Variants in LEMD3 observed in about 807,000 individuals in gnomAD.
LEMD3 encodes LEM domain containing 3.
LEMD3 carries 33 observed loss-of-function variants against 95.2 expected under a neutral mutation model. That is an observed-to-expected ratio of 0.35 (90% confidence interval 0.26 to 0.46). LEMD3 has a LOEUF of 0.46. LEMD3 is among the 20% of genes least tolerant of loss of function. The probability of loss-of-function intolerance (pLI) is 1.00; values close to 1 mark genes in which losing one functional copy is unlikely to be tolerated. For missense variants in LEMD3, 1,210 were observed against 1,192.8 expected, an observed-to-expected ratio of 1.01 and a Z score of -0.21; for synonymous variants, 525 against 474.6, an observed-to-expected ratio of 1.11 and a Z score of -1.38.
intron 1 of LEMD3, among the ~76,000 whole-genome samples, chr12:65,197,162 G>A (rs1869458422): frequency 6.6e-6 from 1 of 152,064 alleles, no homozygotes; most frequent in Admixed American, 6.6e-5. Context: ...TTTGCTTAAC[G>A]TAGGAGCTCC....
intron 1 of LEMD3, among the ~76,000 whole-genome samples, chr12:65,202,777 C>A (rs1053584712): frequency 1.3e-5 from 2 of 152,104 alleles, no homozygotes; most frequent in Non-Finnish European, 2.9e-5. Context: ...TGAGTTTTGA[C>A]AGATTGTGTC....
chr12:65,209,479 C>T (rs1162219540), intron 1 of LEMD3, among the ~76,000 whole-genome samples: 4 of 151,712 alleles, frequency 2.6e-5, no homozygotes, highest in East Asian at 1.9e-4. Context: ...TTTGGTAGTA[C>T]GTTGAGCTAA....
intron 1 of LEMD3, among the ~76,000 whole-genome samples, chr12:65,176,759 G>A (rs1207831194): frequency 6.6e-6 from 1 of 152,156 alleles, no homozygotes; most frequent in African/African-American, 2.4e-5. Flanking sequence ...CTTGTATTAA[G>A]TGAGATAATG....
chr12:65,239,129 A>G (rs1452343451), intron 6 of LEMD3, among the ~76,000 whole-genome samples: 1 of 152,060 alleles, frequency 6.6e-6, no homozygotes, highest in Non-Finnish European at 1.5e-5. Flanking sequence ...TTAAATAATA[A>G]AGTGTTATAA....
At position 65,170,349 on chromosome 12, in the gene LEMD3, C is replaced by T. The variant is rs201160057; in HGVS notation, c.753C>T (p.Pro251=). 11 of 1,609,380 alleles carry T rather than the reference C, an allele frequency of 6.8e-6. No homozygotes were observed. The East Asian group carries it at 1.3e-4, about 20-fold the overall frequency. Reference sequence around the variant, plus strand: ...CCGTGAATGGCAGCCGGCTTGTCCCCTACAGCTGCCGGGAAAACTATTCGG... The same window carrying T: ...CCGTGAATGGCAGCCGGCTTGTCCCTTACAGCTGCCGGGAAAACTATTCGG... ...SRTVNGSRLV[P]YSCRENYSDS... is the part of the protein sequence containing the mutation. The change falls in exon 1 of 13, where the codon CCC becomes CCT. Residue 251 remains proline (P), a synonymous_variant. Transcript: ENST00000308330.
Position 65,241,011 on chromosome 12 carries a change from G to T in LEMD3, c.2229G>T (p.Leu743=). The T allele has an allele frequency of 6.2e-7, 1 of 1,614,022 alleles. No individual in the cohort carries two copies. The highest frequency in any genetic ancestry group is 8.5e-7 in the Non-Finnish European group (1 of 1,179,952). ...GAAGAATAGGTGGTGCAGATTTTCT[G>T]GTTTGGCGGTGGATCCAGCCTTCTG... ...ETRRIGGADF[L]VWRWIQPSAS... is the part of the protein sequence containing the mutation. The change falls in exon 9 of 13, where the codon CTG becomes CTT. Residue 743 remains leucine (L), a synonymous_variant. Coordinates refer to ENST00000308330, the MANE Select transcript of LEMD3 (RefSeq NM_014319.5).
chr12:65,238,707 T>C lies in LEMD3; in HGVS notation c.1814T>C (p.Ile605Thr), dbSNP rs748299191. Reference sequence around the variant, plus strand: ...GGCCCTGAGGAAGAATTGACAAATATAACTGATGTGCAGTTTTTACAGTCC... The same window carrying C: ...GGCCCTGAGGAAGAATTGACAAATACAACTGATGTGCAGTTTTTACAGTCC... ...GFGPEEELTN[I>T]TDVQFLQSTR... Residue 605 changes from isoleucine to threonine, a missense_variant, in exon 6 of 13, where the codon ATA (isoleucine) becomes ACA (threonine). Physicochemically the swap from Ile to Thr is moderately conservative, Grantham distance 89. Coordinates refer to ENST00000308330, the MANE Select transcript of LEMD3 (RefSeq NM_014319.5). The C allele has an allele frequency of 5.0e-6, 8 of 1,614,112 alleles. No homozygotes were observed. The highest frequency in any genetic ancestry group is 1.1e-5 in the South Asian group (1 of 91,090).
rs1565776064 is a variant in LEMD3 at position 65,170,477 on chromosome 12, T to C, written c.881T>C (p.Leu294Pro). 2.5e-6 allele frequency: 4 copies of C among 1,612,940 alleles called. No individual in the cohort carries two copies. The highest frequency in any genetic ancestry group is 3.4e-6 in the Non-Finnish European group (4 of 1,179,844). The change falls in exon 1 of 13, where the codon CTC becomes CCC. Residue 294 changes from leucine (L) to proline (P), a missense_variant. Leu to Pro is a moderately conservative substitution (Grantham distance 98). Coordinates refer to ENST00000308330, the MANE Select transcript of LEMD3 (RefSeq NM_014319.5). ...CCCAGACGAACCCATAGTAAGCCTC[T>C]CCCCCCGCTGACTGCTAAATCGGCC... ...HRPRRTHSKP[L>P]PPLTAKSAGG...
chr12:65,193,301 C>G (rs1051013536), intron 1 of LEMD3, among the ~76,000 whole-genome samples: 16 of 152,036 alleles, frequency 1.1e-4, no homozygotes, highest in African/African-American at 3.6e-4. Flanking sequence ...ATTAAGTGTG[C>G]GGTTTGACCT....
chr12:65,240,354 G>A (rs977880412), intron 8 of LEMD3, 116 bp downstream of exon 8: 3 of 762,840 alleles, frequency 3.9e-6, no homozygotes, highest in Non-Finnish European at 6.8e-6. Flanking sequence ...TACTGCACAG[G>A]TTTTTTTTGG....
At position 65,169,959 on chromosome 12, in the gene LEMD3, G is replaced by A. The variant is rs1165462177; in HGVS notation, c.363G>A (p.Gly121=). 2.1e-6 allele frequency: 3 copies of A among 1,460,328 alleles called. No homozygotes were observed. The highest frequency in any genetic ancestry group is 5.3e-5 in the East Asian group (2 of 38,074). 90.5% of individuals were successfully genotyped at this position (1,460,328 alleles called of 1,614,324 possible). A position where few individuals can be genotyped will look rare whatever the true frequency, so the allele number is the denominator to read the frequency against. ...SASGPESLLG[G]PGGASAAPAA... ...CTGGCCCAGAGAGCCTCCTGGGAGG[G>A]CCCGGGGGCGCCTCCGCCGCCCCCG... The change falls in exon 1 of 13, where the codon GGG becomes GGA. Residue 121 remains glycine (G), a synonymous_variant. Transcript: ENST00000308330.
At chr12:65,180,107 G>A (rs1868855660) in intron 1 of LEMD3, among the ~76,000 whole-genome samples, 1 of 151,826 alleles carries the variant, frequency 6.6e-6, no homozygotes, top group African/African-American at 2.4e-5. Flanking sequence ...ACCACGCCCG[G>A]CTAATTTTTG....
Position 65,196,563 on chromosome 12 carries a change from C to T in LEMD3, c.1523-14363C>T, listed in dbSNP as rs546705856. Among the ~76,000 whole-genome samples the T allele has an allele frequency of 1.9e-3, 296 of 152,188 alleles. 1 individual carries two copies. Among genetic ancestry groups the T allele is most frequent in the Non-Finnish European group, 6.3e-4 (43 of 67,974 alleles). On this transcript the variant is annotated intron_variant, in intron 1 of 12. Transcript: ENST00000308330. ...TCTAGAGTCCTTGTCTGCAGATGAACCCATGATTCACAGCCTTCTCAAACT... is the reference window on the plus strand; with the variant it reads ...TCTAGAGTCCTTGTCTGCAGATGAATCCATGATTCACAGCCTTCTCAAACT...
intron 1 of LEMD3, among the ~76,000 whole-genome samples, chr12:65,191,030 TTTC>T (rs1869224021): frequency 6.6e-6 from 1 of 152,062 alleles, no homozygotes; most frequent in African/African-American, 2.4e-5. Context: ...ACCTATAATT[TTTC>T]TTCATCAGTC....
At chr12:65,210,342 T>C (rs917794181) in intron 1 of LEMD3, among the ~76,000 whole-genome samples, 2 of 152,136 alleles carry the variant, frequency 1.3e-5, no homozygotes, top group African/African-American at 4.8e-5. Context: ...AAATGAATTA[T>C]TCAGTTTTAA....
intron 1 of LEMD3, among the ~76,000 whole-genome samples, chr12:65,199,090 A>C (rs1292111872): frequency 6.6e-6 from 1 of 152,176 alleles, no homozygotes; most frequent in Admixed American, 6.5e-5. Context: ...AGTTTATCTT[A>C]GAGTAAATTG....
At position 65,223,174 on chromosome 12, in the gene LEMD3, G is replaced by A. The variant is rs1239416219; in HGVS notation, c.1695+4555G>A. On this transcript the variant is annotated intron_variant, in intron 4 of 12. Coordinates refer to ENST00000308330, the MANE Select transcript of LEMD3 (RefSeq NM_014319.5). ...CATTTGATCTATAATTGTTGTTCAA[G>A]TCCTCTGCTCCCTTATTGATCTTCT... is the stretch of plus-strand genomic sequence containing the variant. Among the ~76,000 whole-genome samples, 3 of 151,956 alleles carry A rather than the reference G, an allele frequency of 2.0e-5. No homozygotes were observed. In the East Asian group the frequency reaches 5.8e-4, roughly 29 times the overall value.
intron 4 of LEMD3, among the ~76,000 whole-genome samples, chr12:65,226,577 T>C (rs1480182092): frequency 6.6e-6 from 1 of 152,198 alleles, no homozygotes; most frequent in African/African-American, 2.4e-5. Flanking sequence ...ATTATGCTTG[T>C]CAACAAAGAG....
chr12:65,217,049 A>G (rs1870132009), intron 3 of LEMD3, among the ~76,000 whole-genome samples: 1 of 152,224 alleles, frequency 6.6e-6, no homozygotes, highest in African/African-American at 2.4e-5. Context: ...TTCTACAGCT[A>G]TCTCTGTAGC....
Sources: allele counts gnomAD v4.1 joint callset (sites outside exome capture counted in the v4.1 genomes callset), GRCh38; gene constraint gnomAD v4.1.1; transcripts MANE v1.5; gene names NCBI Gene and HGNC (gene_info 2026-07-23, HGNC 2026-07-21).